Variants in DNAH8 observed in about 807,000 individuals in gnomAD.
The protein encoded by DNAH8 is dynein axonemal heavy chain 8.
In DNAH8, 382 loss-of-function variants were observed where a neutral mutation model predicts 562.1. The observed-to-expected ratio is 0.68, with a 90% CI of 0.63 to 0.74. DNAH8 has a LOEUF of 0.74. DNAH8 is among the 30% of genes least tolerant of loss of function. The pLI is 0.00. For synonymous variants in DNAH8, 1,881 were observed against 1,919.4 expected (o/e 0.98, Z 0.52); for missense variants, 5,203 against 5,620.4 (o/e 0.93, Z 2.37).
rs1763491914 is a variant in DNAH8, at chr6:38,973,743, C to A, written c.12608C>A (p.Ala4203Asp). 1 of 1,608,218 alleles carries A rather than the reference C, an allele frequency of 6.2e-7. No individual in the cohort carries two copies. The highest frequency in any genetic ancestry group is 1.3e-5 in the African/African-American group (1 of 74,568). The change falls in exon 84 of 93, where the codon GCC (alanine) becomes GAC (aspartate). Residue 4203 changes from alanine to aspartate, a missense_variant. Physicochemically the swap from Ala to Asp is moderately radical, Grantham distance 126 (BLOSUM62 -2). This residue lies in a region of DNAH8 where 1,399 missense variants were observed against 1,518.4 expected (regional missense o/e 0.92). Transcript: ENST00000327475. Reference protein sequence around the residue: ...ELLETLITTEASDDSFRVWIT... With the variant: ...ELLETLITTEDSDDSFRVWIT... ...CTAGAGACGCTAATTACCACTGAAG[C>A]CAGTGATGATTCTTTCCGAGTATGG... is the stretch of plus-strand genomic sequence containing the variant.
Position 38,746,915 on chromosome 6 carries a change from G to C in DNAH8, c.1294-3561G>C, listed in dbSNP as rs1268217255. Among the ~76,000 whole-genome samples, 6 of 151,806 alleles carry C rather than the reference G, an allele frequency of 4.0e-5. No homozygotes were observed. The East Asian group carries it at 9.7e-4, about 24-fold the overall frequency. ...CTGCACTCCAGCCTGTGTGTTGGGAGTGAGACTCCATCTCAAAAAAGAAAA... is the reference window on the plus strand; with the variant it reads ...CTGCACTCCAGCCTGTGTGTTGGGACTGAGACTCCATCTCAAAAAAGAAAA... On this transcript the variant is annotated intron_variant, in intron 8 of 92. Coordinates refer to ENST00000327475, the MANE Select transcript of DNAH8 (RefSeq NM_001206927.2).
At chr6:38,807,260 T>C (rs1771361863) in intron 23 of DNAH8, among the ~76,000 whole-genome samples, 1 of 152,196 alleles carries the variant, frequency 6.6e-6, no homozygotes, top group Non-Finnish European at 1.5e-5. Flanking sequence ...ATGCCGTTAA[T>C]CATTGAGAAA....
intron 38 of DNAH8, among the ~76,000 whole-genome samples, chr6:38,851,190 C>T (rs918542501): frequency 3.3e-5 from 5 of 152,088 alleles, no homozygotes; most frequent in East Asian, 3.9e-4. Flanking sequence ...CAAGTTTATG[C>T]GTCTGTCCTG....
At chr6:38,778,516 C>A (rs1768278686) in intron 14 of DNAH8, 52 bp downstream of exon 14, 3 of 1,100,276 alleles carry the variant, frequency 2.7e-6, no homozygotes, top group South Asian at 1.4e-5. Flanking sequence ...AACTTTAAAT[C>A]TAAAAATACA....
At chr6:38,781,200 T>A in intron 15 of DNAH8, 54 bp from the exon 16 acceptor site, 1 of 1,588,812 alleles carries the variant, frequency 6.3e-7, no homozygotes, top group Non-Finnish European at 8.6e-7. Flanking sequence ...TATATATTTT[T>A]TGCCTTCTCC....
rs1779960953 is a variant in DNAH8 at position 38,899,864 on chromosome 6, C to T, written c.9152C>T (p.Ser3051Phe). The change falls in exon 62 of 93, where the codon TCT becomes TTT. Residue 3051 changes from serine to phenylalanine, a missense_variant. Ser to Phe is a radical substitution (Grantham distance 155). Transcript: ENST00000327475. ...AAACAAAGTCTTTCAAGATTGGCCT[C>T]TTTTATTGCTGGCTATCAAATATTC... The part of the protein sequence containing the change: ...SGKQSLSRLA[S>F]FIAGYQIFQI... 6.2e-7 allele frequency: 1 copy of T among 1,607,094 alleles called. No homozygotes were observed. Among genetic ancestry groups the T allele is most frequent in the African/African-American group, 1.3e-5 (1 of 74,486 alleles).
intron 66 of DNAH8, among the ~76,000 whole-genome samples, chr6:38,912,922 G>C (rs1331816076): frequency 1.3e-5 from 2 of 151,874 alleles, no homozygotes; most frequent in African/African-American, 4.8e-5. Context: ...GAATTCTCCT[G>C]CCTCAGCCTC....
chr6:38,736,458 A>T (rs555745418), intron 5 of DNAH8, among the ~76,000 whole-genome samples: 71 of 152,324 alleles, frequency 4.7e-4, no homozygotes, highest in African/African-American at 1.7e-3. Context: ...ACGAATCAAG[A>T]CGACACCAAA....
At chr6:38,890,811 C>T in intron 58 of DNAH8, 50 bp downstream of exon 58, 1 of 1,267,784 alleles carries the variant, frequency 7.9e-7, no homozygotes, top group East Asian at 2.3e-5. Context: ...ATTATTCAGC[C>T]CTAGATCACA....
intron 56 of DNAH8, among the ~76,000 whole-genome samples, chr6:38,884,239 G>T (rs1464742912): frequency 1.3e-5 from 2 of 151,928 alleles, no homozygotes; most frequent in African/African-American, 4.8e-5. Context: ...TGCACAACAT[G>T]CAGGTTTGTT....
chr6:38,984,490 AC>A, intron 87 of DNAH8, 183 bp downstream of exon 87: 1 of 561,910 alleles, frequency 1.8e-6, no homozygotes, highest in South Asian at 2.1e-5. Flanking sequence ...ACACACACAC[AC>A]ACACAACAAC....
intron 67 of DNAH8, 118 bp from the exon 68 acceptor site, chr6:38,915,083 A>C: frequency 1.2e-6 from 1 of 851,530 alleles, no homozygotes; most frequent in Non-Finnish European, 1.7e-6. Flanking sequence ...CTTAGGAAAT[A>C]AGTTTGTTCT....
chr6:38,923,465 C>T (rs1781874535), intron 72 of DNAH8: 1 of 270,104 alleles, frequency 3.7e-6, no homozygotes, highest in Non-Finnish European at 7.0e-6. Context: ...TATGCTTCAC[C>T]TCAATGATTT....
At chr6:38,950,209 TG>T (rs1437368379) in intron 81 of DNAH8, among the ~76,000 whole-genome samples, 66 of 151,424 alleles carry the variant, frequency 4.4e-4, no homozygotes, top group African/African-American at 1.6e-3. Context: ...TGTGTGTGTG[TG>T]TGTGTGTGTG....
intron 12 of DNAH8, among the ~76,000 whole-genome samples, chr6:38,775,067 A>G (rs778436069): frequency 9.9e-5 from 15 of 152,170 alleles, no homozygotes; most frequent in South Asian, 6.2e-4. Context: ...AAATAGGTTT[A>G]TTCCCTTTCT....
chr6:38,752,216 T>C (rs1765524092), intron 9 of DNAH8, among the ~76,000 whole-genome samples: 1 of 149,534 alleles, frequency 6.7e-6, no homozygotes, highest in South Asian at 2.1e-4. Context: ...CAGGCTGGAG[T>C]GCAGTGGTGC....
At chr6:38,838,264 G>A (rs1398060435) in intron 33 of DNAH8, among the ~76,000 whole-genome samples, 1 of 152,114 alleles carries the variant, frequency 6.6e-6, no homozygotes, top group Non-Finnish European at 1.5e-5. Context: ...AAAATTTTGA[G>A]CATGCATGGT....
At chr6:38,978,806 A>G (rs1763840935) in intron 85 of DNAH8, among the ~76,000 whole-genome samples, 1 of 152,218 alleles carries the variant, frequency 6.6e-6, no homozygotes, top group Non-Finnish European at 1.5e-5. Flanking sequence ...TCATGATTCC[A>G]CATTTTCCAT....
In DNAH8 at chr6:38,780,402, C is replaced by T. The variant is rs528345365; in HGVS notation, c.2139+337C>T. Among the ~76,000 whole-genome samples, 12 of 152,204 alleles carry T rather than the reference C, an allele frequency of 7.9e-5. No individual in the cohort carries two copies. The South Asian group carries it at 1.5e-3, about 18-fold the overall frequency. ...GACACATGCACGCATATGTTCATTG[C>T]AGCACTATTCACAATAGCAGAGATA... On this transcript the variant is annotated intron_variant, in intron 15 of 92. Coordinates refer to ENST00000327475, the MANE Select transcript of DNAH8 (RefSeq NM_001206927.2).
Sources: gnomAD v4.1 joint callset for allele counts (sites outside exome capture counted in the v4.1 genomes callset) on GRCh38, gnomAD v4.1.1 for gene constraint, gnomAD v4.1.1 regional missense constraint, MANE v1.5 for transcripts, NCBI Gene and HGNC (gene_info 2026-07-23, HGNC 2026-07-21) for gene names.